Variants in SLC49A3 observed in about 807,000 individuals in gnomAD.
SLC49A3 encodes solute carrier family 49 member 3.
A neutral mutation model predicts 43.8 loss-of-function variants in SLC49A3; 50 were observed. The observed-to-expected ratio is 1.14, with a 90% CI of 0.91 to 1.45. SLC49A3 has a LOEUF of 1.45. SLC49A3 is among the 40% of genes most tolerant of loss of function. The pLI, the probability that SLC49A3 is intolerant of heterozygous loss-of-function variation, is 0.00. For missense variants in SLC49A3, 906 were observed against 774.1 expected, an observed-to-expected ratio of 1.17 and a Z score of -2.02; for synonymous variants, 413 against 352.0, an observed-to-expected ratio of 1.17 and a Z score of -1.94.
chr4:678,443 C>G (rs1739076775), downstream of SLC49A3: 5 of 1,427,562 alleles, frequency 3.5e-6, no homozygotes, highest in Non-Finnish European at 4.6e-6. Flanking sequence ...GTCCCTCCCC[C>G]AGTCCCTGTG....
At chr4:681,387 G>A (rs1739495080), downstream of SLC49A3, among the ~76,000 whole-genome samples, 1 of 151,834 alleles carries the variant, frequency 6.6e-6, no homozygotes, top group African/African-American at 2.4e-5. Flanking sequence ...CGGCCTGAGC[G>A]TCTGTCCCAG....
chr4:677,106 C>T (rs184187611), downstream of SLC49A3, among the ~76,000 whole-genome samples: 971 of 152,338 alleles, frequency 6.4e-3, 11 homozygotes, highest in African/African-American at 0.022. Flanking sequence ...CCTGCAGCAC[C>T]GAGGGGCAGG....
intron 1 of SLC49A3, chr4:688,026 G>A (rs1011812023): frequency 3.3e-5 from 5 of 152,232 alleles, no homozygotes; most frequent in Admixed American, 6.5e-5. Context: ...TGCAGCAGGA[G>A]GCCCTTGACT....
chr4:680,735 C>T (rs1739385163), downstream of SLC49A3: 1 of 821,190 alleles, frequency 1.2e-6, no homozygotes, highest in Non-Finnish European at 1.9e-6. Context: ...AACCCAGGAT[C>T]CCAGCTGAGT....
chr4:680,087 C>A, downstream of SLC49A3: 1 of 1,347,064 alleles, frequency 7.4e-7, no homozygotes, highest in Non-Finnish European at 1.0e-6. Context: ...GGACATTTCA[C>A]GTAAAAATCT....
downstream of SLC49A3, chr4:678,799 C>T: frequency 6.2e-7 from 1 of 1,607,884 alleles, no homozygotes; most frequent in South Asian, 1.1e-5. Flanking sequence ...GAGCCCCCAC[C>T]CCCAGGAGCC....
chr4:687,564 C>T (rs1185027110), intron 1 of SLC49A3, among the ~76,000 whole-genome samples: 1 of 152,220 alleles, frequency 6.6e-6, no homozygotes, highest in Non-Finnish European at 1.5e-5. Context: ...GAGCCGAGCC[C>T]GCCGCTCCAG....
At chr4:680,508 G>A (rs1315773708), downstream of SLC49A3, 2 of 1,613,474 alleles carry the variant, frequency 1.2e-6, no homozygotes, top group Non-Finnish European at 1.7e-6. Context: ...CTTTGTGGCA[G>A]GTACCGACGC....
At chr4:681,296 G>A (rs901960592), downstream of SLC49A3, among the ~76,000 whole-genome samples, 6 of 152,138 alleles carry the variant, frequency 3.9e-5, no homozygotes, top group Admixed American at 2.6e-4. Context: ...CCCGTCTGAG[G>A]GACGGAACTG....
At chr4:679,041 C>T (rs1739153043), downstream of SLC49A3, 1 of 1,612,798 alleles carries the variant, frequency 6.2e-7, no homozygotes. Flanking sequence ...TGGGTAGGTA[C>T]CCAGGCAGAA....
intron 6 of SLC49A3, among the ~76,000 whole-genome samples, chr4:684,027 C>G (rs1258013951): frequency 6.6e-6 from 1 of 152,214 alleles, no homozygotes; most frequent in Non-Finnish European, 1.5e-5. Context: ...GTGGCCCTGG[C>G]AAAGGTGGAA....
At position 685,814 on chromosome 4, in the gene SLC49A3, G is replaced by C. The variant is rs138461801; in HGVS notation, c.585+21C>G. ...CGCACACACCACACAGACCAGGCAC[G>C]GGCGTCTCATGACCCCTCACCATTA... On this transcript the variant is annotated intron_variant, in intron 4 of 9. Transcript: ENST00000322224. This position sits in a 1 kb window ranked among gnomAD's most constrained non-coding sequence, Gnocchi z 4.3. The C allele has an allele frequency of 7.6e-4, 1,227 of 1,613,064 alleles. 7 individuals are homozygous for C. In the African/African-American group the frequency reaches 0.015, roughly 20 times the overall value.
Position 682,794 on chromosome 4 carries a change from TG to T in SLC49A3, c.1247del (p.Pro416HisfsTer10). 6.3e-7 allele frequency: 1 copy of T among 1,590,764 alleles called. No individual in the cohort carries two copies. Among genetic ancestry groups the T allele is most frequent in the Non-Finnish European group, 8.6e-7 (1 of 1,166,060 alleles). On this transcript the variant is annotated frameshift_variant, in exon 9 of 10. Transcript: ENST00000322224. LOFTEE classifies it low-confidence loss of function (END_TRUNC). Reference sequence around the variant, plus strand: ...TGTGAGGCTCACCTGTCCAGTCAAGTGGATCCTCCCCCTGCTGGCAGGTGGA... The same window carrying T: ...TGTGAGGCTCACCTGTCCAGTCAAGTGATCCTCCCCCTGCTGGCAGGTGGA... ...SLSTCQQGED[P>X]LDWTVSLLLM... is the part of the protein sequence containing the mutation.
chr4:680,012 C>A (rs758933264), downstream of SLC49A3: 1 of 1,612,048 alleles, frequency 6.2e-7, no homozygotes, highest in East Asian at 2.2e-5. Flanking sequence ...TGGGGAGAAG[C>A]TGAGCGGTGA....
downstream of SLC49A3, chr4:676,973 G>A (rs1203997254): frequency 2.1e-6 from 2 of 972,164 alleles, no homozygotes; most frequent in Non-Finnish European, 2.4e-6. Context: ...GTCCCTCAGG[G>A]GGTAGGACCT....
downstream of SLC49A3, chr4:678,112 TG>T: frequency 3.8e-6 from 6 of 1,586,966 alleles, no homozygotes; most frequent in Non-Finnish European, 5.1e-6. Flanking sequence ...CAGACGAGCG[TG>T]GGCGTGTCCG....
At chr4:682,642 C>T in intron 9 of SLC49A3, 139 bp downstream of exon 9, 1 of 679,154 alleles carries the variant, frequency 1.5e-6, no homozygotes. Context: ...TGTCCTATTG[C>T]CCGGGGACTC....
chr4:684,901 C>A, intron 4 of SLC49A3, 45 bp from the exon 5 acceptor site: 1 of 1,581,306 alleles, frequency 6.3e-7, no homozygotes, highest in South Asian at 1.1e-5. Context: ...CAGACTGGCA[C>A]CCACACACGC....
At position 684,862 on chromosome 4, in the gene SLC49A3, G is replaced by A. The variant is rs560783515; in HGVS notation, c.586-6C>T. 2 of 1,610,702 alleles carry A rather than the reference G, an allele frequency of 1.2e-6. No homozygotes were observed. The highest frequency in any genetic ancestry group is 1.7e-6 in the Non-Finnish European group (2 of 1,179,372). Reference sequence around the variant, plus strand: ...GGGATGGTATAGACACCGAGCTGGGGAGGGGTGTGTGTGCACAAGGAGACC... The same window carrying A: ...GGGATGGTATAGACACCGAGCTGGGAAGGGGTGTGTGTGCACAAGGAGACC... On this transcript the variant is annotated splice_polypyrimidine_tract_variant and splice_region_variant and intron_variant, in intron 4 of 9. Coordinates refer to ENST00000322224, the MANE Select transcript of SLC49A3 (RefSeq NM_032219.4).
Sources: allele counts gnomAD v4.1 joint callset (sites outside exome capture counted in the v4.1 genomes callset), GRCh38; gene constraint gnomAD v4.1.1; non-coding constraint Gnocchi (gnomAD v3.1); transcripts MANE v1.5; gene names NCBI Gene and HGNC (gene_info 2026-07-23, HGNC 2026-07-21).